CACNA1A: variants seen among roughly 807,000 people sequenced by gnomAD.
CACNA1A encodes the protein voltage-dependent P/Q-type calcium channel subunit alpha-1A.
Under a neutral mutation model 262.4 loss-of-function variants are expected in CACNA1A, and 57 were observed. That is an observed-to-expected ratio of 0.22 (90% CI 0.18 to 0.27). CACNA1A has a LOEUF of 0.27. Among genes scored for constraint, CACNA1A ranks in the 10% least tolerant of loss-of-function variants. The pLI is 1.00. For missense variants in CACNA1A, 2,526 were observed against 3,562.8 expected, an observed-to-expected ratio of 0.71 and a Z score of 7.41; for synonymous variants, 1,431 against 1,419.3, an observed-to-expected ratio of 1.01 and a Z score of -0.18.
rs927310190 is a variant in CACNA1A at position 13,506,220 on chromosome 19, G to A, written c.5C>T (p.Ala2Val). The change falls in exon 1 of 47, where the codon GCC (alanine) becomes GTC (valine). Residue 2 changes from alanine to valine, a missense_variant. Physicochemically the swap from Ala to Val is moderately conservative, Grantham distance 64. This residue lies in a region of CACNA1A where 65 missense variants were observed against 75.6 expected (regional missense o/e 0.86). Transcript: ENST00000360228. ...GGCCGGCATCTCGTCTCCGAAGCGG[G>A]CCATTCTGCAAAGAGCAAAGGGCTC... M[A>V]RFGDEMPARY... 26 of 1,481,024 alleles carry A rather than the reference G, an allele frequency of 1.8e-5. No individual in the cohort carries two copies. The African/African-American group carries it at 3.0e-4, about 17-fold the overall frequency. 91.7% of individuals were successfully genotyped at this position (1,481,024 alleles called of 1,614,324 possible). A position where few individuals can be genotyped will look rare whatever the true frequency, so the allele number is the denominator to read the frequency against.
At chr19:13,245,364 G>A in intron 30 of CACNA1A, 99 bp from the exon 31 acceptor site, 1 of 881,828 alleles carries the variant, frequency 1.1e-6, no homozygotes, top group Non-Finnish European at 1.9e-6. Context: ...TTGCCCATCA[G>A]CGGAGTGCCC....
intron 10 of CACNA1A, among the ~76,000 whole-genome samples, chr19:13,320,680 C>T (rs940833116): frequency 7.9e-5 from 12 of 152,034 alleles, no homozygotes; most frequent in Admixed American, 2.0e-4. Context: ...GGCACTGTCA[C>T]TTCTGTTAGT....
In CACNA1A at chr19:13,506,276, ACGCCGCCGCCGCCGCCGC is replaced by A. The variant is rs16000; in HGVS notation, c.-70_-53del. 1 of 1,342,982 alleles carries A rather than the reference ACGCCGCCGCCGCCGCCGC, an allele frequency of 7.4e-7. No homozygotes were observed. The highest frequency in any genetic ancestry group is 2.9e-5 in the East Asian group (1 of 34,434). The allele number at this position is 1,342,982 out of a possible 1,614,324, so 83.2% of individuals were successfully genotyped here. Reference sequence around the variant, plus strand: ...TACGCTGCGGCGAACGATGCGGAAGACGCCGCCGCCGCCGCCGCCGCCGCTGATGCTGAGGCTGCCGGG... The same window carrying A: ...TACGCTGCGGCGAACGATGCGGAAGACGCCGCTGATGCTGAGGCTGCCGGG... On this transcript the variant is annotated 5_prime_UTR_variant, in exon 1 of 47. Transcript: ENST00000360228.
At chr19:13,394,445 C>T (rs981882877) in intron 3 of CACNA1A, among the ~76,000 whole-genome samples, 1 of 152,148 alleles carries the variant, frequency 6.6e-6, no homozygotes, top group African/African-American at 2.4e-5. Flanking sequence ...TGGAAGATCT[C>T]GAGGACCAGG....
At chr19:13,389,149 C>T (rs926415003) in intron 3 of CACNA1A, among the ~76,000 whole-genome samples, 7 of 152,168 alleles carry the variant, frequency 4.6e-5, no homozygotes, top group Admixed American at 6.5e-5. Flanking sequence ...GTGATCCACC[C>T]GCCTTGGCCT....
intron 5 of CACNA1A, chr19:13,363,516 A>C (rs1274231805): frequency 6.6e-6 from 1 of 151,474 alleles, no homozygotes; most frequent in Non-Finnish European, 1.5e-5. Flanking sequence ...AACAAACCAA[A>C]ACCCACAAAA....
At chr19:13,482,557 T>C (rs1252022073) in intron 1 of CACNA1A, among the ~76,000 whole-genome samples, 1 of 152,152 alleles carries the variant, frequency 6.6e-6, no homozygotes, top group Non-Finnish European at 1.5e-5. Flanking sequence ...TTTCACTTTG[T>C]GAAAAAGACA....
intron 1 of CACNA1A, among the ~76,000 whole-genome samples, chr19:13,485,529 T>A (rs908750368): frequency 6.6e-6 from 1 of 152,204 alleles, no homozygotes; most frequent in African/African-American, 2.4e-5. Flanking sequence ...ATCAATATTT[T>A]TTTTTTAAAA....
At chr19:13,360,670 G>A (rs779742811) in intron 5 of CACNA1A, among the ~76,000 whole-genome samples, 7 of 151,916 alleles carry the variant, frequency 4.6e-5, no homozygotes, top group Non-Finnish European at 8.8e-5. Context: ...TGGAGATGGG[G>A]TTTCACCATG....
chr19:13,383,034 C>T lies in CACNA1A; in HGVS notation c.540-11255G>A, dbSNP rs139536935. On this transcript the variant is annotated intron_variant, in intron 3 of 46. Coordinates refer to ENST00000360228, the MANE Select transcript of CACNA1A (RefSeq NM_001127222.2). ...CCTTCAACTCCTGTGACTAGTTGGG[C>T]GGGGTGAGGGGCAACGGTGGTGAAG... Among the ~76,000 whole-genome samples the T allele has an allele frequency of 2.4e-3, 368 of 152,198 alleles. 1 individual carries two copies. The highest frequency in any genetic ancestry group is 7.9e-3 in the African/African-American group (329 of 41,528).
rs2144956947 is a variant in CACNA1A, at chr19:13,299,119, G to T, written c.2514C>A (p.Ser838Arg). ...GGTCCACGGTGGGCTCGGCCGCCCG[G>T]CTCTTGTTGGTGTTGTTGTTGCGGT... ...QENRNNNTNK[S>R]RAAEPTVDQR... Residue 838 changes from serine to arginine, a missense_variant, in exon 19 of 47, where the codon AGC becomes AGA. Ser to Arg is a moderately radical substitution (Grantham distance 110). Transcript: ENST00000360228. 1 of 1,612,808 alleles carries T rather than the reference G, an allele frequency of 6.2e-7. No homozygotes were observed. The highest frequency in any genetic ancestry group is 2.2e-5 in the East Asian group (1 of 44,856).
rs1164307796 is a variant in CACNA1A, at chr19:13,432,029, C to T, written c.539+20847G>A. 2.8e-5 allele frequency among the ~76,000 whole-genome samples: 4 copies of T among 144,010 alleles called. No individual in the cohort carries two copies. In the South Asian group the frequency reaches 6.6e-4, roughly 24 times the overall value. The allele number at this position is 144,010 out of a possible 152,430, so 94.5% of individuals were successfully genotyped here. ...CTGAGGCAGGAGAATCGCTTGAACC[C>T]GGGAGGCTGAGGTTGCAGTGGGCTG... On this transcript the variant is annotated intron_variant, in intron 3 of 46. Coordinates refer to ENST00000360228, the MANE Select transcript of CACNA1A (RefSeq NM_001127222.2).
intron 31 of CACNA1A, among the ~76,000 whole-genome samples, chr19:13,238,687 G>A (rs775903573): frequency 3.0e-4 from 45 of 151,646 alleles, no homozygotes; most frequent in Admixed American, 1.3e-4. Context: ...CCAGGTTTAA[G>A]TGATTCTCCT....
intron 3 of CACNA1A, among the ~76,000 whole-genome samples, chr19:13,437,310 G>C (rs964596364): frequency 1.5e-4 from 23 of 152,232 alleles, no homozygotes; most frequent in African/African-American, 5.5e-4. Context: ...CAGATGCTCA[G>C]TTCATGCTCT....
intron 3 of CACNA1A, among the ~76,000 whole-genome samples, chr19:13,422,389 C>T (rs7251951): frequency 0.089 from 13,484 of 152,090 alleles, 1,183 homozygotes; most frequent in East Asian, 0.25. Context: ...GGCCAGATGA[C>T]GCAGGGTCTC....
chr19:13,366,489 G>T (rs984118236), intron 4 of CACNA1A, among the ~76,000 whole-genome samples: 1 of 152,000 alleles, frequency 6.6e-6, no homozygotes, highest in East Asian at 1.9e-4. Flanking sequence ...TAGAGACAGG[G>T]TCTCACTATG....
chr19:13,332,787 C>T (rs2058488710), intron 9 of CACNA1A, 82 bp downstream of exon 9: 6 of 855,624 alleles, frequency 7.0e-6, no homozygotes, highest in Non-Finnish European at 9.8e-6. Flanking sequence ...TAGAACCAGT[C>T]ACCTGCTCTC....
chr19:13,274,455 A>G (rs565648101), intron 24 of CACNA1A: 1 of 152,358 alleles, frequency 6.6e-6, no homozygotes, highest in South Asian at 2.1e-4. Context: ...CACAGGAGGA[A>G]GCCCCTGATT....
At chr19:13,323,572 A>C (rs546307956) in intron 10 of CACNA1A, among the ~76,000 whole-genome samples, 5 of 152,194 alleles carry the variant, frequency 3.3e-5, no homozygotes, top group Admixed American at 6.5e-5. Context: ...AGGGATCGTC[A>C]CATCTTAGCC....
Sources: allele counts gnomAD v4.1 joint callset (sites outside exome capture counted in the v4.1 genomes callset), GRCh38; gene constraint gnomAD v4.1.1; regional missense constraint gnomAD v4.1.1; transcripts MANE v1.5; gene names NCBI Gene and HGNC (gene_info 2026-07-23, HGNC 2026-07-21).